Variants in CCDC77 observed in about 807,000 individuals in gnomAD.
CCDC77 encodes coiled-coil domain containing 77.
CCDC77 carries 56 observed loss-of-function variants against 66.8 expected under a neutral mutation model. The observed-to-expected ratio is 0.84, with a 90% CI of 0.68 to 1.05. The LOEUF (loss-of-function observed/expected upper bound fraction) is 1.05. Among genes scored for constraint, CCDC77 ranks in the 50% least tolerant of loss-of-function variants. The pLI, the probability that CCDC77 is intolerant of heterozygous loss-of-function variation, is 0.00. For synonymous variants in CCDC77, 196 were observed against 195.2 expected (o/e 1.00, Z -0.03); for missense variants, 570 against 576.8 (o/e 0.99, Z 0.12).
intron 4 of CCDC77, among the ~76,000 whole-genome samples, chr12:416,397 A>ATATATATATATATATATATG (rs1945281188): frequency 2.1e-5 from 1 of 47,908 alleles, no homozygotes; most frequent in Non-Finnish European, 3.9e-5. Flanking sequence ...ATATATATAT[A>ATATATATATATATATATATG]TATATATATA....
chr12:389,753 C>T (rs909022598), intron 1 of CCDC77, among the ~76,000 whole-genome samples: 1 of 152,202 alleles, frequency 6.6e-6, no homozygotes, highest in Non-Finnish European at 1.5e-5. Context: ...GCCCGTGCTT[C>T]GTAATTTGTT....
At chr12:390,273 T>C (rs1442391041) in intron 1 of CCDC77, 1 of 152,172 alleles carries the variant, frequency 6.6e-6, no homozygotes, top group Non-Finnish European at 1.5e-5. Context: ...CTCAAATCCC[T>C]CTCCATCCAC....
chr12:418,029 C>G (rs950981887), intron 4 of CCDC77, among the ~76,000 whole-genome samples: 1 of 152,066 alleles, frequency 6.6e-6, no homozygotes, highest in Non-Finnish European at 1.5e-5. Flanking sequence ...CTGTTAAACT[C>G]CAGTCAAGGC....
rs1945117535 is a variant in CCDC77 at position 411,833 on chromosome 12, T to A, written c.125T>A (p.Leu42Ter). The change falls in exon 4 of 13, where the codon TTG (leucine) becomes TAG (stop). Residue 42 changes from leucine (L) to a stop codon, truncating the protein, a stop_gained. Transcript: ENST00000239830. LOFTEE classifies it high-confidence loss of function. Reference sequence around the variant, plus strand: ...GCAGATTCACTGGAGTCAACCCCCTTGCCTTCCCCCGAAGATCGTCTGGCC... The same window carrying A: ...GCAGATTCACTGGAGTCAACCCCCTAGCCTTCCCCCGAAGATCGTCTGGCC... ...GMADSLESTP[L>*]PSPEDRLAKL... The A allele has an allele frequency of 6.2e-7, 1 of 1,613,874 alleles. No homozygotes were observed. The highest frequency in any genetic ancestry group is 1.3e-5 in the African/African-American group (1 of 74,862).
intron 5 of CCDC77, among the ~76,000 whole-genome samples, chr12:426,765 C>T (rs1485483517): frequency 6.6e-6 from 1 of 152,120 alleles, no homozygotes; most frequent in African/African-American, 2.4e-5. Flanking sequence ...TATCTGGTGT[C>T]GGTGTCAGCT....
intron 10 of CCDC77, among the ~76,000 whole-genome samples, chr12:440,292 T>C (rs777317793): frequency 1.2e-4 from 18 of 152,370 alleles, no homozygotes; most frequent in Middle Eastern, 6.8e-3. Context: ...TTCTTCCTTT[T>C]TAAAGAAGAA....
chr12:430,527 T>C (rs1945630629), intron 6 of CCDC77, 137 bp from the exon 7 acceptor site: 1 of 702,968 alleles, frequency 1.4e-6, no homozygotes, highest in South Asian at 1.6e-5. Context: ...TGGTCTGTCA[T>C]GTGCATGACA....
intron 4 of CCDC77, among the ~76,000 whole-genome samples, chr12:414,374 G>A (rs962004122): frequency 2.6e-5 from 4 of 152,226 alleles, no homozygotes; most frequent in Admixed American, 6.5e-5. Context: ...ACAGGCGTGA[G>A]CCTGGCCTCC....
At chr12:410,085 G>A (rs140739706) in intron 3 of CCDC77, among the ~76,000 whole-genome samples, 1 of 151,462 alleles carries the variant, frequency 6.6e-6, no homozygotes. Context: ...TTTTCTTCAT[G>A]CTAGTTGACA....
intron 8 of CCDC77, 31 bp downstream of exon 8, chr12:431,985 G>T: frequency 4.3e-6 from 6 of 1,382,544 alleles, no homozygotes; most frequent in Non-Finnish European, 6.1e-6. Context: ...GACCAAGATG[G>T]CTTTTATCCA....
Position 418,583 on chromosome 12 carries a change from G to C in CCDC77, c.360G>C (p.Gln120His). Residue 120 changes from glutamine (Q) to histidine (H), a missense_variant, in exon 5 of 13, where the codon CAG becomes CAC. Transcript: ENST00000239830. ...GTGATATGCAGGTCTGCCTCTTCCAGGAACGGGAACATGTTTTACGCCTCT... is the reference window on the plus strand; with the variant it reads ...GTGATATGCAGGTCTGCCTCTTCCACGAACGGGAACATGTTTTACGCCTCT... ...ALSDMQVCLF[Q>H]EREHVLRLYS... The C allele has an allele frequency of 6.2e-7, 1 of 1,614,166 alleles. No homozygotes were observed. Among genetic ancestry groups the C allele is most frequent in the South Asian group, 1.1e-5 (1 of 91,088 alleles).
rs1945875370 is a variant in CCDC77, at chr12:442,511, C to T, written c.*591C>T. 1 of 152,184 alleles carries T rather than the reference C, an allele frequency of 6.6e-6. No homozygotes were observed. The highest frequency in any genetic ancestry group is 6.5e-5 in the Admixed American group (1 of 15,274). 9.4% of individuals were successfully genotyped at this position (152,184 alleles called of 1,614,324 possible). On this transcript the variant is annotated 3_prime_UTR_variant, in exon 13 of 13. Coordinates refer to ENST00000239830, the MANE Select transcript of CCDC77 (RefSeq NM_032358.4). ...TGTCCATCTGGAAAGATTCGGGAGA[C>T]ACTTTGCCGAGGGGATGAAGCTGAG...
At chr12:440,127 C>T (rs747666710) in intron 10 of CCDC77, among the ~76,000 whole-genome samples, 37 of 152,072 alleles carry the variant, frequency 2.4e-4, no homozygotes, top group Non-Finnish European at 4.6e-4. Flanking sequence ...TTGTGGAGGG[C>T]CTTGTGCATC....
chr12:418,447 A>G, intron 4 of CCDC77, 47 bp from the exon 5 acceptor site: 1 of 1,587,924 alleles, frequency 6.3e-7, no homozygotes, highest in Middle Eastern at 1.7e-4. Context: ...GAGATACTCC[A>G]TTGAAACCCA....
chr12:433,503 TGAA>T, intron 9 of CCDC77, 181 bp downstream of exon 9: 1 of 1,387,990 alleles, frequency 7.2e-7, no homozygotes, highest in Non-Finnish European at 9.4e-7. Flanking sequence ...GGCGTGCTGT[TGAA>T]GAGCTGATGA....
intron 1 of CCDC77, chr12:389,544 G>A (rs1944706345): frequency 2.5e-5 from 1 of 39,818 alleles, no homozygotes; most frequent in Non-Finnish European, 4.9e-5. Flanking sequence ...ATTGAGGGAA[G>A]CCGACGGGGC....
rs868716799 is a variant in CCDC77, at chr12:409,409, CT to C, written c.27del (p.Val10SerfsTer68). On this transcript the variant is annotated frameshift_variant, in exon 3 of 13. Transcript: ENST00000239830. LOFTEE classifies it high-confidence loss of function. MNFTPTHT[P>X]VCRKRTVVSK... ...ATGAACTTTACCCCAACACACACCC[CT>C]GTCTGCAGAAAGTAAGACATTTGCT... The C allele has an allele frequency of 3.1e-6, 5 of 1,613,240 alleles. No individual in the cohort carries two copies. In the African/African-American group the frequency reaches 6.7e-5, roughly 22 times the overall value.
intron 5 of CCDC77, chr12:418,841 G>T: frequency 1.8e-6 from 1 of 552,206 alleles, no homozygotes; most frequent in South Asian, 2.1e-5. Flanking sequence ...TGGGAACACA[G>T]GTGTGCACTA....
At chr12:401,040 C>A (rs1352158232), upstream of CCDC77, among the ~76,000 whole-genome samples, 2 of 152,188 alleles carry the variant, frequency 1.3e-5, no homozygotes, top group Non-Finnish European at 2.9e-5. Context: ...CCCACCTTTA[C>A]ACCTTGCTTT....
Sources: allele counts gnomAD v4.1 joint callset (sites outside exome capture counted in the v4.1 genomes callset), GRCh38; gene constraint gnomAD v4.1.1; transcripts MANE v1.5; gene names NCBI Gene and HGNC (gene_info 2026-07-23, HGNC 2026-07-21).